The following MOB1A variants were observed in gnomAD, a reference collection of about 807,000 sequenced individuals.
MOB1A encodes MOB kinase activator 1A, also known as MOB1 Mps One Binder homolog A.
In MOB1A, 10 loss-of-function variants were observed where a neutral mutation model predicts 25.1. That is an observed-to-expected ratio of 0.40 (90% confidence interval 0.25 to 0.68). The LOEUF is 0.68. MOB1A is among the 30% of genes least tolerant of loss of function. The probability of loss-of-function intolerance (pLI) is 0.40; values close to 1 mark genes in which losing one functional copy is unlikely to be tolerated. For missense variants in MOB1A, 177 were observed against 256.3 expected (o/e 0.69, Z 2.11); for synonymous variants, 81 against 79.5 (o/e 1.02, Z -0.10).
intron 1 of MOB1A, among the ~76,000 whole-genome samples, chr2:74,176,742 C>T (rs891167609): frequency 3.5e-5 from 5 of 141,724 alleles, no homozygotes; most frequent in East Asian, 2.1e-4. Flanking sequence ...CCAGCCTGGG[C>T]GACAGAGCAA....
intron 3 of MOB1A, 118 bp downstream of exon 3, chr2:74,166,896 C>A: frequency 7.2e-6 from 5 of 696,804 alleles, no homozygotes; most frequent in Admixed American, 2.8e-5. Context: ...TAGTCAAGAA[C>A]CAATAAAACT....
At position 74,156,378 on chromosome 2, in the gene MOB1A, G is replaced by A. The variant is rs957034841; in HGVS notation, c.*190C>T. The A allele has an allele frequency of 1.2e-5, 7 of 590,562 alleles. No individual in the cohort carries two copies. In the Admixed American group the frequency reaches 1.6e-4, roughly 13 times the overall value. 36.6% of individuals were successfully genotyped at this position (590,562 alleles called of 1,614,324 possible). A position where few individuals can be genotyped will look rare whatever the true frequency, so the allele number is the denominator to read the frequency against. On this transcript the variant is annotated 3_prime_UTR_variant, in exon 6 of 6. Transcript: ENST00000396049. ...CACACAGTACTTAAGATTTGGCTGT[G>A]TCCTTAAGGTCTTACTCGGAAACTA...
Position 74,153,482 on chromosome 2 carries a change from A to G in MOB1A, c.*3086T>C, listed in dbSNP as rs1324416307. On this transcript the variant is annotated 3_prime_UTR_variant, in exon 6 of 6. Transcript: ENST00000396049. ...CAGATTTTGCATTTCTCATGTAAGC[A>G]GCTATATAAGCTAGGGTTCTACAAG... 1 of 152,242 alleles carries G rather than the reference A, an allele frequency of 6.6e-6. No homozygotes were observed. Among genetic ancestry groups the G allele is most frequent in the African/African-American group, 2.4e-5 (1 of 41,466 alleles). The allele number at this position is 152,242 out of a possible 1,614,324, so 9.4% of individuals were successfully genotyped here.
chr2:74,163,394 T>C (rs115237163), intron 4 of MOB1A, among the ~76,000 whole-genome samples: 1,960 of 152,272 alleles, frequency 0.013, 40 homozygotes, highest in African/African-American at 0.045. Context: ...CCAACACTTT[T>C]GGAAGGCCAA....
intron 1 of MOB1A, among the ~76,000 whole-genome samples, chr2:74,175,751 G>A (rs974192098): frequency 6.6e-5 from 10 of 152,078 alleles, no homozygotes; most frequent in East Asian, 1.9e-4. Context: ...CAGAGTACAC[G>A]TATTCACAGG....
intron 1 of MOB1A, among the ~76,000 whole-genome samples, chr2:74,173,607 C>T (rs1286095777): frequency 1.6e-4 from 24 of 151,132 alleles, no homozygotes; most frequent in Non-Finnish European, 3.2e-4. Flanking sequence ...GTGTCGAACT[C>T]CTGACCTCAA....
chr2:74,162,616 C>G (rs1046654474), intron 4 of MOB1A, among the ~76,000 whole-genome samples: 3 of 152,028 alleles, frequency 2.0e-5, no homozygotes, highest in Non-Finnish European at 2.9e-5. Context: ...CAGATATATT[C>G]AAGCACAGTC....
intron 4 of MOB1A, among the ~76,000 whole-genome samples, chr2:74,161,762 T>C (rs1667610): frequency 0.63 from 95,501 of 151,784 alleles, 31,332 homozygotes; most frequent in African/African-American, 0.82. Flanking sequence ...TTGAGACCAG[T>C]CTGGGCAACA....
At chr2:74,158,180 C>CAAAAAA (rs58535875) in intron 5 of MOB1A, among the ~76,000 whole-genome samples, 6 of 83,378 alleles carry the variant, frequency 7.2e-5, no homozygotes, top group African/African-American at 2.5e-4. Flanking sequence ...ACTCTGTCTC[C>CAAAAAA]AAAAAAAAAA....
At chr2:74,177,082 G>C (rs1693495806) in intron 1 of MOB1A, among the ~76,000 whole-genome samples, 1 of 152,126 alleles carries the variant, frequency 6.6e-6, no homozygotes, top group Non-Finnish European at 1.5e-5. Flanking sequence ...GGCCGAGTGC[G>C]GGAGTGGATC....
At chr2:74,178,477 C>CT (rs1405369813) in intron 1 of MOB1A, among the ~76,000 whole-genome samples, 184 bp downstream of exon 1, 1 of 152,196 alleles carries the variant, frequency 6.6e-6, no homozygotes, top group Non-Finnish European at 1.5e-5. Context: ...TTACTTCGAC[C>CT]TTCATCTCTG....
chr2:74,174,247 G>T (rs1438181266), intron 1 of MOB1A, among the ~76,000 whole-genome samples: 2 of 141,684 alleles, frequency 1.4e-5, no homozygotes, highest in Non-Finnish European at 3.0e-5. Flanking sequence ...CTCCAGCTTG[G>T]CAACAGAGTG....
At chr2:74,171,258 A>C (rs1693287204) in intron 2 of MOB1A, among the ~76,000 whole-genome samples, 1 of 152,082 alleles carries the variant, frequency 6.6e-6, no homozygotes, top group Non-Finnish European at 1.5e-5. Flanking sequence ...ACTGCACTCC[A>C]GCTTGGGTGA....
Position 74,154,833 on chromosome 2 carries a change from A to G in MOB1A, c.*1735T>C, listed in dbSNP as rs904155100. On this transcript the variant is annotated 3_prime_UTR_variant, in exon 6 of 6. Transcript: ENST00000396049. ...TTAAAACATGGATTGTGGAATGTCT[A>G]ATAGAGGGCTTTTCTCTCTTTTTTT... The G allele has an allele frequency of 6.6e-6, 1 of 152,200 alleles. No individual in the cohort carries two copies. The highest frequency in any genetic ancestry group is 2.4e-5 in the African/African-American group (1 of 41,452). 9.4% of individuals were successfully genotyped at this position (152,200 alleles called of 1,614,324 possible). A position where few individuals can be genotyped will look rare whatever the true frequency, so the allele number is the denominator to read the frequency against.
intron 5 of MOB1A, among the ~76,000 whole-genome samples, chr2:74,158,527 G>A (rs13017894): frequency 6.6e-6 from 1 of 151,990 alleles, no homozygotes; most frequent in East Asian, 1.9e-4. Flanking sequence ...CTGTGGCTCA[G>A]GCCTGTAATT....
At chr2:74,175,194 G>A (rs1159042541) in intron 1 of MOB1A, among the ~76,000 whole-genome samples, 1 of 152,216 alleles carries the variant, frequency 6.6e-6, no homozygotes, top group African/African-American at 2.4e-5. Context: ...TGTGCCTTAT[G>A]AGAATCTAAA....
intron 3 of MOB1A, among the ~76,000 whole-genome samples, 191 bp downstream of exon 3, chr2:74,166,823 A>G (rs934896220): frequency 2.6e-5 from 4 of 152,230 alleles, no homozygotes; most frequent in African/African-American, 9.6e-5. Flanking sequence ...CAACAGAGCG[A>G]GACTCTGTCT....
At chr2:74,172,854 T>TA (rs747855003) in intron 1 of MOB1A, 102 bp from the exon 2 acceptor site, 6 of 1,229,780 alleles carry the variant, frequency 4.9e-6, no homozygotes, top group Non-Finnish European at 6.9e-6. Flanking sequence ...AAAAATAAAA[T>TA]AAAAAATACT....
At chr2:74,164,624 A>G (rs1035654246) in intron 4 of MOB1A, 1 of 152,252 alleles carries the variant, frequency 6.6e-6, no homozygotes, top group Non-Finnish European at 1.5e-5. Context: ...TAAAAGATAT[A>G]ATAGGACAAA....
Sources: gnomAD v4.1 joint callset for allele counts (sites outside exome capture counted in the v4.1 genomes callset) on GRCh38, gnomAD v4.1.1 for gene constraint, MANE v1.5 for transcripts, NCBI Gene and HGNC (gene_info 2026-07-23, HGNC 2026-07-21) for gene names.